Variants in SLC15A2 observed in about 807,000 individuals in gnomAD.
SLC15A2 encodes the protein kidney H(+)/peptide cotransporter.
Under a neutral mutation model 95.5 loss-of-function variants are expected in SLC15A2, and 77 were observed. The ratio of observed to expected loss-of-function variants is 0.81; its 90% CI spans 0.67 to 0.97. The LOEUF is 0.97. Ranked by LOEUF, SLC15A2 falls within the 50% of genes least tolerant of loss-of-function variation. The probability of loss-of-function intolerance (pLI) is 0.00; values close to 1 mark genes in which losing one functional copy is unlikely to be tolerated. For synonymous variants in SLC15A2, 306 were observed against 306.9 expected (o/e 1.00, Z 0.03); for missense variants, 893 against 874.4 (o/e 1.02, Z -0.27).
intron 4 of SLC15A2, among the ~76,000 whole-genome samples, chr3:121,912,445 G>A (rs904556890): frequency 6.6e-6 from 1 of 152,114 alleles, no homozygotes; most frequent in African/African-American, 2.4e-5. Context: ...TGTTGGCCAG[G>A]CTGGTCTTGA....
At chr3:121,932,072 T>A (rs377515458) in intron 19 of SLC15A2, among the ~76,000 whole-genome samples, 1 of 151,966 alleles carries the variant, frequency 6.6e-6, no homozygotes, top group African/African-American at 2.4e-5. Flanking sequence ...CCCAGCTAAT[T>A]TTTGTATTTT....
At chr3:121,915,055 G>A (rs1709858293) in intron 5 of SLC15A2, 172 bp from the exon 6 acceptor site, 1 of 1,286,340 alleles carries the variant, frequency 7.8e-7, no homozygotes, top group African/African-American at 1.5e-5. Flanking sequence ...GTAAATGATT[G>A]GGGTCAGCCA....
At position 121,940,413 on chromosome 3, in the gene SLC15A2, G is replaced by A. The variant is rs1710438235; in HGVS notation, c.1938G>A (p.Gln646=). 1 of 1,614,064 alleles carries A rather than the reference G, an allele frequency of 6.2e-7. No individual in the cohort carries two copies. The highest frequency in any genetic ancestry group is 1.7e-4 in the Middle Eastern group (1 of 6,060). The change falls in exon 21 of 22, where the codon CAG becomes CAA. Residue 646 remains glutamine, a synonymous_variant. Coordinates refer to ENST00000489711, the MANE Select transcript of SLC15A2 (RefSeq NM_021082.4). ...QAPSSMKSVL[Q]AAWLLTIAVG... ...CCTCTAGCATGAAATCTGTGCTCCA[G>A]GCAGCTTGGCTATTGACAATTGCAG...
chr3:121,932,794 G>T (rs923629212), intron 19 of SLC15A2, among the ~76,000 whole-genome samples: 2 of 151,948 alleles, frequency 1.3e-5, no homozygotes, highest in African/African-American at 4.8e-5. Flanking sequence ...AAGTTTTAGG[G>T]TACATGTGCA....
Position 121,939,342 on chromosome 3 carries a change from C to CCCTAAGAACACCAATCAGGG in SLC15A2, c.1762-6_1775dup. 6.6e-7 allele frequency: 1 copy of CCCTAAGAACACCAATCAGGG among 1,504,322 alleles called. No individual in the cohort carries two copies. Among genetic ancestry groups the CCCTAAGAACACCAATCAGGG allele is most frequent in the Non-Finnish European group, 8.9e-7 (1 of 1,126,828 alleles). The allele number at this position is 1,504,322 out of a possible 1,614,324, so 93.2% of individuals were successfully genotyped here. ...ACAAGTCCATTTCCATTTTCTCTTTCCCTAAGAACACCAATCAGGGTCTTC... is the reference window on the plus strand; with the variant it reads ...ACAAGTCCATTTCCATTTTCTCTTTCCCTAAGAACACCAATCAGGGCCTAAGAACACCAATCAGGGTCTTC... On this transcript the variant is annotated splice_region_variant and splice_polypyrimidine_tract_variant and intron_variant, in intron 19 of 21. Transcript: ENST00000489711.
At position 121,905,115 on chromosome 3, in the gene SLC15A2, A is replaced by C. The variant is rs139509085; in HGVS notation, c.336-6459A>C. The stretch of plus-strand genomic sequence containing the variant: ...GTCCAGAAATTTATCCATTTCTTCT[A>C]GATTTTCTAGTTTATTTGCATAGAG... On this transcript the variant is annotated intron_variant, in intron 3 of 21. Transcript: ENST00000489711. Among the ~76,000 whole-genome samples the C allele has an allele frequency of 1.1e-3, 169 of 152,276 alleles. 1 individual carries two copies. In the East Asian group the frequency reaches 0.021, roughly 19 times the overall value.
chr3:121,931,820 G>C (rs1710239004), intron 19 of SLC15A2, 85 bp downstream of exon 19: 10 of 763,578 alleles, frequency 1.3e-5, no homozygotes, highest in Non-Finnish European at 2.3e-5. Context: ...GAAAACAAAA[G>C]AGAAGACTCT....
chr3:121,933,410 C>T (rs1425582194), intron 19 of SLC15A2, among the ~76,000 whole-genome samples: 1 of 150,096 alleles, frequency 6.7e-6, no homozygotes, highest in African/African-American at 2.5e-5. Flanking sequence ...TCTCCACATC[C>T]TCTCCAGCAC....
intron 19 of SLC15A2, among the ~76,000 whole-genome samples, chr3:121,934,513 C>T (rs999412141): frequency 1.9e-4 from 29 of 151,280 alleles, no homozygotes; most frequent in African/African-American, 6.8e-4. Context: ...GTATTTTATT[C>T]TCTTTGAAGC....
Position 121,928,477 on chromosome 3 carries a change from G to A in SLC15A2, c.1263G>A (p.Leu421=). 1 of 1,614,100 alleles carries A rather than the reference G, an allele frequency of 6.2e-7. No individual in the cohort carries two copies. The highest frequency in any genetic ancestry group is 1.1e-5 in the South Asian group (1 of 91,072). ...PQEVFLQVLN[L]ADDEVKVTVV... ...AGGTTTTCCTACAAGTCTTGAATCT[G>A]GCAGATGATGAGGTGAAGGTGACAG... The change falls in exon 15 of 22, where the codon CTG becomes CTA. Residue 421 remains leucine (L), a synonymous_variant. Coordinates refer to ENST00000489711, the MANE Select transcript of SLC15A2 (RefSeq NM_021082.4).
chr3:121,931,796 T>A, intron 19 of SLC15A2, 61 bp downstream of exon 19: 1 of 978,328 alleles, frequency 1.0e-6, no homozygotes, highest in Non-Finnish European at 1.6e-6. Flanking sequence ...CCTGAGATCC[T>A]CTAGGCAGGG....
rs1576688023 is a variant in SLC15A2 at position 121,929,084 on chromosome 3, CAGG to C, written c.1447_1449del (p.Glu483del). ...GTCTCTCTACACTGAGCATTCTGTG[CAGG>C]AGAAGAACTGGTACAGTCTTGTCAT... On this transcript the variant is annotated inframe_deletion, in exon 16 of 22. Coordinates refer to ENST00000489711, the MANE Select transcript of SLC15A2 (RefSeq NM_021082.4). 4.3e-6 allele frequency: 7 copies of C among 1,614,108 alleles called. No individual in the cohort carries two copies. Among genetic ancestry groups the C allele is most frequent in the Non-Finnish European group, 5.9e-6 (7 of 1,179,966 alleles).
chr3:121,911,581 A>G lies in SLC15A2; in HGVS notation c.343A>G (p.Ile115Val). 6.2e-7 allele frequency: 1 copy of G among 1,613,294 alleles called. No individual in the cohort carries two copies. The highest frequency in any genetic ancestry group is 1.1e-5 in the South Asian group (1 of 91,058). ...DSWLGKFKTI[I>V]YLSLVYVLGH... ...ATTTAGCTCTCTCAACAGGACAATC[A>G]TCTATCTCTCCTTGGTGTATGTGCT... Residue 115 changes from isoleucine (I) to valine (V), a missense_variant, in exon 4 of 22, where the codon ATC (isoleucine) becomes GTC (valine). Transcript: ENST00000489711.
Position 121,932,539 on chromosome 3 carries a change from A to G in SLC15A2, c.1761+804A>G, listed in dbSNP as rs146668390. Among the ~76,000 whole-genome samples, 322 of 152,280 alleles carry G rather than the reference A, an allele frequency of 2.1e-3. 6 individuals are homozygous for G. The East Asian group carries it at 0.041, about 19-fold the overall frequency. On this transcript the variant is annotated intron_variant, in intron 19 of 21. Coordinates refer to ENST00000489711, the MANE Select transcript of SLC15A2 (RefSeq NM_021082.4). ...AGTTAACTGTGATCTGTCAAAAACA[A>G]TTGTCCTAGCAGTCAGGGCAGAGTA...
intron 19 of SLC15A2, among the ~76,000 whole-genome samples, chr3:121,937,796 C>T (rs1036860807): frequency 4.6e-5 from 7 of 152,154 alleles, no homozygotes; most frequent in Non-Finnish European, 8.8e-5. Flanking sequence ...GGCTTTGTTC[C>T]GTTGCTGATG....
chr3:121,931,648 A>G lies in SLC15A2; in HGVS notation c.1674A>G (p.Ala558=), dbSNP rs1314837364. 1.4e-5 allele frequency: 22 copies of G among 1,607,882 alleles called. No homozygotes were observed. The highest frequency in any genetic ancestry group is 4.5e-5 in the East Asian group (2 of 44,836). Residue 558 remains alanine, a synonymous_variant, in exon 19 of 22, where the codon GCA becomes GCG. Transcript: ENST00000489711. ...ATTCATCCTGTTCCAGATACCCTGC[A>G]GTGCACTGTAGAACAGAAGATAAGA... The part of the protein sequence containing the change: ...YRTVQRGEYP[A]VHCRTEDKNF...
intron 3 of SLC15A2, among the ~76,000 whole-genome samples, chr3:121,900,314 A>G (rs1275861354): frequency 6.6e-6 from 1 of 152,170 alleles, no homozygotes; most frequent in Non-Finnish European, 1.5e-5. Context: ...TCAGCACAAC[A>G]TCCACTGCAT....
intron 7 of SLC15A2, among the ~76,000 whole-genome samples, chr3:121,921,983 C>T (rs1189584122): frequency 6.6e-6 from 1 of 152,170 alleles, no homozygotes; most frequent in East Asian, 1.9e-4. Flanking sequence ...TTGGCTCCTG[C>T]AATTTTGATA....
intron 12 of SLC15A2, 22 bp from the exon 13 acceptor site, chr3:121,924,923 C>G (rs775781522): frequency 1.9e-5 from 29 of 1,530,124 alleles, no homozygotes; most frequent in Non-Finnish European, 2.4e-5. Flanking sequence ...TGTAGCTAAT[C>G]CTTTTTATCA....
Sources: allele counts gnomAD v4.1 joint callset (sites outside exome capture counted in the v4.1 genomes callset), GRCh38; gene constraint gnomAD v4.1.1; transcripts MANE v1.5; gene names NCBI Gene and HGNC (gene_info 2026-07-23, HGNC 2026-07-21).